The following NKAIN2 variants were observed in gnomAD, a reference collection of about 807,000 sequenced individuals.
NKAIN2 encodes the protein sodium/potassium-transporting ATPase subunit beta-1-interacting protein 2.
In NKAIN2, 14 loss-of-function variants were observed where a neutral mutation model predicts 32.6. The ratio of observed to expected loss-of-function variants is 0.43; its 90% CI spans 0.28 to 0.67. The LOEUF is 0.67. NKAIN2 is among the 30% of genes least tolerant of loss of function. The pLI is 0.17. For missense variants in NKAIN2, 198 were observed against 258.3 expected, an observed-to-expected ratio of 0.77 and a Z score of 1.60; for synonymous variants, 80 against 87.2, an observed-to-expected ratio of 0.92 and a Z score of 0.46.
intron 2 of NKAIN2, among the ~76,000 whole-genome samples, chr6:124,349,171 G>C (rs1233805842): frequency 6.6e-6 from 1 of 152,026 alleles, no homozygotes; most frequent in Non-Finnish European, 1.5e-5. Context: ...AGGGTTTATT[G>C]GGTGCAAAGG....
At chr6:124,346,025 T>G (rs187926013) in intron 2 of NKAIN2, among the ~76,000 whole-genome samples, 12 of 152,182 alleles carry the variant, frequency 7.9e-5, no homozygotes, top group Non-Finnish European at 1.5e-4. Flanking sequence ...GAGATTGTGG[T>G]ATGTTGTGTC....
At chr6:124,399,998 A>C (rs1421409315) in intron 3 of NKAIN2, among the ~76,000 whole-genome samples, 1 of 152,202 alleles carries the variant, frequency 6.6e-6, no homozygotes, top group East Asian at 1.9e-4. Context: ...CCTATTTGAT[A>C]AAAATAAATT....
rs376952328 is a variant in NKAIN2 at position 123,911,782 on chromosome 6, CATATAT to C, written c.54+107541_54+107546del. Among the ~76,000 whole-genome samples, 197 of 105,612 alleles carry C rather than the reference CATATAT, an allele frequency of 1.9e-3. 7 individuals carry two copies. Among genetic ancestry groups the C allele is most frequent in the African/African-American group, 7.5e-3 (186 of 24,834 alleles). The allele number at this position is 105,612 out of a possible 152,430, so 69.3% of individuals were successfully genotyped here. ...AAATAGTCGTATATATACATACATA[CATATAT>C]ATATATATATATGTATATATATATA... On this transcript the variant is annotated intron_variant, in intron 1 of 6. Transcript: ENST00000368417.
At position 124,334,068 on chromosome 6, in the gene NKAIN2, C is replaced by T. The variant is rs72965831; in HGVS notation, c.193-21199C>T. Among the ~76,000 whole-genome samples, 432 of 152,134 alleles carry T rather than the reference C, an allele frequency of 2.8e-3. 2 individuals carry two copies. The highest frequency in any genetic ancestry group is 6.8e-3 in the Middle Eastern group (2 of 292). Reference sequence around the variant, plus strand: ...CAAGCTTTCCTGCTATCCATGTTTCCGTCTTATGTGGTATGCATTTAAATA... The same window carrying T: ...CAAGCTTTCCTGCTATCCATGTTTCTGTCTTATGTGGTATGCATTTAAATA... On this transcript the variant is annotated intron_variant, in intron 2 of 6. Coordinates refer to ENST00000368417, the MANE Select transcript of NKAIN2 (RefSeq NM_001040214.3).
chr6:124,326,113 TG>T (rs1461321008), intron 2 of NKAIN2, among the ~76,000 whole-genome samples: 1 of 151,670 alleles, frequency 6.6e-6, no homozygotes, highest in East Asian at 1.9e-4. Flanking sequence ...TTTCTATTTT[TG>T]TTTGTTTATA....
chr6:124,143,529 G>C (rs1437850055), intron 1 of NKAIN2, among the ~76,000 whole-genome samples: 1 of 151,806 alleles, frequency 6.6e-6, no homozygotes, highest in East Asian at 2.0e-4. Context: ...AGCAAACAAG[G>C]AATAGAATAA....
At chr6:124,693,040 A>G (rs1774335322) in intron 4 of NKAIN2, among the ~76,000 whole-genome samples, 2 of 152,170 alleles carry the variant, frequency 1.3e-5, no homozygotes, top group African/African-American at 2.4e-5. Flanking sequence ...TTTACACTGA[A>G]CTTCTATCTC....
chr6:124,415,004 G>A (rs373857957), intron 3 of NKAIN2, among the ~76,000 whole-genome samples: 34 of 151,566 alleles, frequency 2.2e-4, no homozygotes, highest in African/African-American at 5.1e-4. Context: ...TTTTTCTATC[G>A]TCTCACTCAA....
chr6:124,505,999 C>G lies in NKAIN2; in HGVS notation c.273+150652C>G, dbSNP rs566855445. Among the ~76,000 whole-genome samples the G allele has an allele frequency of 2.6e-5, 4 of 152,060 alleles. No homozygotes were observed. The East Asian group carries it at 7.8e-4, about 30-fold the overall frequency. Reference sequence around the variant, plus strand: ...CCATCCTGGCTAACACGGTGAAACCCCGTCTCTACTAAAAATACAAAAAAT... The same window carrying G: ...CCATCCTGGCTAACACGGTGAAACCGCGTCTCTACTAAAAATACAAAAAAT... On this transcript the variant is annotated intron_variant, in intron 3 of 6. Transcript: ENST00000368417.
intron 4 of NKAIN2, among the ~76,000 whole-genome samples, chr6:124,668,432 A>G (rs1175725864): frequency 6.6e-6 from 1 of 152,086 alleles, no homozygotes; most frequent in Admixed American, 6.6e-5. Context: ...TTATAAATAG[A>G]GACTATTCCT....
chr6:124,646,515 G>C (rs940595526), intron 3 of NKAIN2, among the ~76,000 whole-genome samples: 1 of 152,078 alleles, frequency 6.6e-6, no homozygotes, highest in African/African-American at 2.4e-5. Context: ...ATATTGTCTA[G>C]ACTATAATTA....
intron 2 of NKAIN2, among the ~76,000 whole-genome samples, chr6:124,303,709 A>T (rs926373446): frequency 6.6e-6 from 1 of 152,236 alleles, no homozygotes; most frequent in Non-Finnish European, 1.5e-5. Context: ...ATGATCAGAT[A>T]TAATAATCAA....
At chr6:123,886,401 A>C (rs1301089836) in intron 1 of NKAIN2, among the ~76,000 whole-genome samples, 1 of 152,116 alleles carries the variant, frequency 6.6e-6, no homozygotes. Context: ...CACCCAGTAC[A>C]TAGTGTTAAA....
At chr6:124,623,104 T>C (rs1449307793) in intron 3 of NKAIN2, among the ~76,000 whole-genome samples, 1 of 152,148 alleles carries the variant, frequency 6.6e-6, no homozygotes, top group East Asian at 1.9e-4. Flanking sequence ...TAATTACATA[T>C]GCAAAGACCC....
At chr6:124,603,215 T>C (rs910321052) in intron 3 of NKAIN2, among the ~76,000 whole-genome samples, 1 of 152,014 alleles carries the variant, frequency 6.6e-6, no homozygotes, top group African/African-American at 2.4e-5. Context: ...TATAACTTCA[T>C]GCATCCTAGT....
At position 124,440,368 on chromosome 6, in the gene NKAIN2, C is replaced by A. The variant is rs180705585; in HGVS notation, c.273+85021C>A. On this transcript the variant is annotated intron_variant, in intron 3 of 6. Coordinates refer to ENST00000368417, the MANE Select transcript of NKAIN2 (RefSeq NM_001040214.3). ...GGATAGACTTAAGCTCCTTTTGCTGCAGCTGGTCTCAAGACCATAACTTAT... is the reference window on the plus strand; with the variant it reads ...GGATAGACTTAAGCTCCTTTTGCTGAAGCTGGTCTCAAGACCATAACTTAT... 2.6e-3 allele frequency among the ~76,000 whole-genome samples: 403 copies of A among 152,194 alleles called. 1 individual carries two copies. The highest frequency in any genetic ancestry group is 9.4e-3 in the African/African-American group (391 of 41,546).
chr6:124,766,858 G>T (rs1378669596), intron 4 of NKAIN2, among the ~76,000 whole-genome samples: 1 of 152,100 alleles, frequency 6.6e-6, no homozygotes, highest in Non-Finnish European at 1.5e-5. Flanking sequence ...CTGATTGAGA[G>T]ATCTGTGAGT....
intron 1 of NKAIN2, among the ~76,000 whole-genome samples, chr6:124,047,448 C>CTCTATA (rs1554246859): frequency 1.1e-4 from 16 of 151,014 alleles, no homozygotes; most frequent in Non-Finnish European, 1.0e-4. Context: ...CTCTCTCTCT[C>CTCTATA]TATATATATA....
chr6:124,472,445 T>A (rs931095738), intron 3 of NKAIN2, among the ~76,000 whole-genome samples: 1 of 152,076 alleles, frequency 6.6e-6, no homozygotes, highest in South Asian at 2.1e-4. Flanking sequence ...TGCTACATAG[T>A]CATCTGTACA....
Sources: allele counts gnomAD v4.1 joint callset (sites outside exome capture counted in the v4.1 genomes callset), GRCh38; gene constraint gnomAD v4.1.1; transcripts MANE v1.5; gene names NCBI Gene and HGNC (gene_info 2026-07-23, HGNC 2026-07-21).